Variants in ZNF804B observed in about 807,000 individuals in gnomAD.
ZNF804B encodes the protein zinc finger 804B.
A neutral mutation model predicts 101.4 loss-of-function variants in ZNF804B; 80 were observed. That is an observed-to-expected ratio of 0.79 (90% CI 0.66 to 0.95). ZNF804B has a LOEUF of 0.95. Among genes scored for constraint, ZNF804B ranks in the 40% least tolerant of loss-of-function variants. The pLI, the probability that ZNF804B is intolerant of heterozygous loss-of-function variation, is 0.00. For synonymous variants in ZNF804B, 622 were observed against 558.8 expected, an observed-to-expected ratio of 1.11 and a Z score of -1.59; for missense variants, 1,673 against 1,561.9, an observed-to-expected ratio of 1.07 and a Z score of -1.20.
At chr7:89,254,834 C>T (rs550294081) in intron 2 of ZNF804B, among the ~76,000 whole-genome samples, 3 of 151,664 alleles carry the variant, frequency 2.0e-5, no homozygotes, top group South Asian at 2.1e-4. Context: ...TTAGTAGAGA[C>T]GGGGTTTCAC....
At chr7:88,886,417 A>G (rs1329790044) in intron 1 of ZNF804B, among the ~76,000 whole-genome samples, 1 of 152,136 alleles carries the variant, frequency 6.6e-6, no homozygotes, top group African/African-American at 2.4e-5. Context: ...GAGTTTACCT[A>G]TGTAACGAAC....
At chr7:89,155,736 G>A (rs894937907) in intron 1 of ZNF804B, among the ~76,000 whole-genome samples, 1 of 152,148 alleles carries the variant, frequency 6.6e-6, no homozygotes, top group Non-Finnish European at 1.5e-5. Flanking sequence ...CTGTTGAGTT[G>A]TTGTGTCTTT....
At chr7:89,047,407 A>T (rs1006531437) in intron 1 of ZNF804B, among the ~76,000 whole-genome samples, 1 of 152,158 alleles carries the variant, frequency 6.6e-6, no homozygotes, top group African/African-American at 2.4e-5. Context: ...AAAAATAATG[A>T]TTGGCATTTG....
chr7:89,307,207 C>T (rs1234015002), intron 2 of ZNF804B, among the ~76,000 whole-genome samples: 1 of 151,752 alleles, frequency 6.6e-6, no homozygotes, highest in Non-Finnish European at 1.5e-5. Flanking sequence ...TTCTTAGTGC[C>T]TCTGCATTTC....
At chr7:88,838,018 C>T (rs10255141) in intron 1 of ZNF804B, among the ~76,000 whole-genome samples, 9,844 of 151,298 alleles carry the variant, frequency 0.065, 957 homozygotes, top group African/African-American at 0.21. Context: ...ATGAGAAATA[C>T]TGATAAATAT....
At chr7:89,028,802 T>C (rs1337923267) in intron 1 of ZNF804B, among the ~76,000 whole-genome samples, 1 of 152,178 alleles carries the variant, frequency 6.6e-6, no homozygotes, top group Non-Finnish European at 1.5e-5. Flanking sequence ...AGGGTTGTTT[T>C]GTGGATTAAA....
intron 1 of ZNF804B, among the ~76,000 whole-genome samples, chr7:89,135,144 C>A (rs950520309): frequency 6.6e-6 from 1 of 152,104 alleles, no homozygotes; most frequent in African/African-American, 2.4e-5. Context: ...CATCCATCAC[C>A]ATTTCTTTTC....
chr7:88,842,659 A>T (rs965132684), intron 1 of ZNF804B, among the ~76,000 whole-genome samples: 2 of 152,218 alleles, frequency 1.3e-5, no homozygotes, highest in East Asian at 3.9e-4. Flanking sequence ...TCTGGAAACT[A>T]AGACTTTTCA....
At chr7:89,257,627 T>C (rs1164167612) in intron 2 of ZNF804B, among the ~76,000 whole-genome samples, 2 of 152,100 alleles carry the variant, frequency 1.3e-5, no homozygotes, top group Non-Finnish European at 2.9e-5. Flanking sequence ...TTAACTTTTA[T>C]TTTAGGTTAA....
chr7:89,204,271 A>T (rs1788686444), intron 1 of ZNF804B, among the ~76,000 whole-genome samples: 1 of 152,236 alleles, frequency 6.6e-6, no homozygotes, highest in African/African-American at 2.4e-5. Flanking sequence ...TCTAATGCAC[A>T]ATAGATATAT....
intron 2 of ZNF804B, among the ~76,000 whole-genome samples, chr7:89,289,211 G>C (rs1259857872): frequency 1.3e-5 from 2 of 152,100 alleles, no homozygotes; most frequent in Non-Finnish European, 2.9e-5. Context: ...TATTAGCAAA[G>C]TAGTAGCCAT....
At chr7:88,846,575 A>T (rs545043288) in intron 1 of ZNF804B, among the ~76,000 whole-genome samples, 1 of 152,310 alleles carries the variant, frequency 6.6e-6, no homozygotes, top group East Asian at 1.9e-4. Context: ...GGAGAAAAAT[A>T]ACCTGGGATT....
intron 1 of ZNF804B, chr7:88,794,994 T>C (rs745480365): frequency 2.0e-5 from 29 of 1,458,692 alleles, no homozygotes; most frequent in Middle Eastern, 3.7e-4. Context: ...CTTATCATAA[T>C]ATTTATGCTG....
chr7:89,131,883 G>C (rs868257378), intron 1 of ZNF804B, among the ~76,000 whole-genome samples: 2 of 151,942 alleles, frequency 1.3e-5, no homozygotes, highest in African/African-American at 4.8e-5. Flanking sequence ...CTGATAACAC[G>C]AATCTTAGGC....
chr7:89,320,140 A>G (rs1790796686), intron 2 of ZNF804B, among the ~76,000 whole-genome samples: 2 of 152,114 alleles, frequency 1.3e-5, no homozygotes, highest in Non-Finnish European at 2.9e-5. Context: ...TGGCATGTGT[A>G]TATCTATGTA....
intron 1 of ZNF804B, among the ~76,000 whole-genome samples, chr7:88,960,423 G>A (rs1793372341): frequency 6.6e-6 from 1 of 151,276 alleles, no homozygotes; most frequent in Non-Finnish European, 1.5e-5. Flanking sequence ...CGGGAGTGGG[G>A]GATGGTGCTC....
chr7:88,961,938 T>G (rs1349321277), intron 1 of ZNF804B, among the ~76,000 whole-genome samples: 1 of 151,214 alleles, frequency 6.6e-6, no homozygotes, highest in Non-Finnish European at 1.5e-5. Flanking sequence ...AACAGTAAAG[T>G]TTTTAAATAG....
intron 1 of ZNF804B, among the ~76,000 whole-genome samples, chr7:88,934,807 A>G (rs975814825): frequency 6.6e-6 from 1 of 151,792 alleles, no homozygotes; most frequent in Non-Finnish European, 1.5e-5. Flanking sequence ...GTAAACTATG[A>G]AAAACACTGT....
intron 1 of ZNF804B, among the ~76,000 whole-genome samples, chr7:89,039,902 G>A (rs572641287): frequency 9.2e-5 from 14 of 152,032 alleles, no homozygotes; most frequent in African/African-American, 2.6e-4. Flanking sequence ...TGCTGCTTTC[G>A]AAATTCTCTT....
Sources: allele counts gnomAD v4.1 joint callset (sites outside exome capture counted in the v4.1 genomes callset), GRCh38; gene constraint gnomAD v4.1.1; transcripts MANE v1.5; gene names NCBI Gene and HGNC (gene_info 2026-07-23, HGNC 2026-07-21).